The following ANKRD11 variants were observed in gnomAD, a reference collection of about 807,000 sequenced individuals.
ANKRD11 encodes the protein ankyrin repeat domain 11.
Under a neutral mutation model 195.7 loss-of-function variants are expected in ANKRD11, and 17 were observed. The ratio of observed to expected loss-of-function variants is 0.09; its 90% confidence interval spans 0.06 to 0.13. The LOEUF (loss-of-function observed/expected upper bound fraction) is 0.13, where lower values mean the gene tolerates loss of function less well. ANKRD11 is among the 10% of genes least tolerant of loss of function. ANKRD11 has a pLI of 1.00. For missense variants in ANKRD11, 3,735 were observed against 3,566.1 expected, an observed-to-expected ratio of 1.05 and a Z score of -1.21; for synonymous variants, 1,953 against 1,528.1, an observed-to-expected ratio of 1.28 and a Z score of -6.49.
At chr16:89,462,277 GCCAGGCCGGTCT>G (rs780684907) in intron 1 of ANKRD11, among the ~76,000 whole-genome samples, 39 of 152,182 alleles carry the variant, frequency 2.6e-4, no homozygotes, top group Non-Finnish European at 4.7e-4. Context: ...CGCTGTGTTG[GCCAGGCCGGTCT>G]CCAGCCCCTA....
chr16:89,354,738 C>T (rs953256158), intron 2 of ANKRD11, among the ~76,000 whole-genome samples: 1 of 152,080 alleles, frequency 6.6e-6, no homozygotes, highest in African/African-American at 2.4e-5. Context: ...AGAAATTAGC[C>T]GGGCATGGTG....
intron 2 of ANKRD11, among the ~76,000 whole-genome samples, chr16:89,386,716 GT>G (rs1286245077): frequency 2.0e-5 from 3 of 152,196 alleles, no homozygotes; most frequent in Non-Finnish European, 4.4e-5. Context: ...AGCTACTCAA[GT>G]TTTTTATTAA....
At chr16:89,476,166 A>G (rs2057251931) in intron 1 of ANKRD11, among the ~76,000 whole-genome samples, 1 of 152,190 alleles carries the variant, frequency 6.6e-6, no homozygotes, top group South Asian at 2.1e-4. Flanking sequence ...ACATCAAAAT[A>G]CCAAAACTAC....
chr16:89,281,181 A>G lies in ANKRD11; in HGVS notation c.5361T>C (p.Leu1787=). The change falls in exon 9 of 13, where the codon CTT becomes CTC. Residue 1787 remains leucine, a synonymous_variant. Transcript: ENST00000301030. This position sits in a 1 kb window ranked among gnomAD's most constrained non-coding sequence, Gnocchi z 5.5. ...QAPARPLSTN[L]YRSVSVDIRR... is the part of the protein sequence containing the mutation. ...TAATGTCGACAGAGACCGAGCGGTAAAGGTTTGTGGAGAGAGGCCTGGCAG... is the reference window on the plus strand; with the variant it reads ...TAATGTCGACAGAGACCGAGCGGTAGAGGTTTGTGGAGAGAGGCCTGGCAG... The G allele has an allele frequency of 1.2e-6, 2 of 1,614,128 alleles. No homozygotes were observed. Among genetic ancestry groups the G allele is most frequent in the Non-Finnish European group, 8.5e-7 (1 of 1,180,022 alleles).
At chr16:89,402,270 G>C (rs2041725121) in intron 2 of ANKRD11, among the ~76,000 whole-genome samples, 1 of 152,198 alleles carries the variant, frequency 6.6e-6, no homozygotes, top group African/African-American at 2.4e-5. Context: ...ACGTACGCCA[G>C]TTCTTTGTAG....
chr16:89,271,631 A>G (rs1024516849), intron 11 of ANKRD11: 3 of 155,146 alleles, frequency 1.9e-5, no homozygotes, highest in African/African-American at 4.8e-5. Context: ...CAAGAACAGA[A>G]TAACGATCAC....
chr16:89,332,968 C>G (rs569460530), intron 2 of ANKRD11, among the ~76,000 whole-genome samples: 1 of 152,252 alleles, frequency 6.6e-6, no homozygotes, highest in Non-Finnish European at 1.5e-5. Context: ...CGGGGCTGCT[C>G]CACGCTTCTC....
rs934191523 is a variant in ANKRD11, at chr16:89,291,714, G to A, written c.227-531C>T. On this transcript the variant is annotated intron_variant, in intron 4 of 12. Transcript: ENST00000301030. This position sits in a 1 kb window ranked among gnomAD's most constrained non-coding sequence, Gnocchi z 5.3. ...TTGCTTCTAGGAACCTCCATCTCAT[G>A]CCATGGTGCTTCGAGGAGCGTACCA... is the stretch of plus-strand genomic sequence containing the variant. 3.3e-5 allele frequency: 42 copies of A among 1,289,768 alleles called. No individual in the cohort carries two copies. Among genetic ancestry groups the A allele is most frequent in the Non-Finnish European group, 4.1e-5 (41 of 988,930 alleles). 79.9% of individuals were successfully genotyped at this position (1,289,768 alleles called of 1,614,324 possible). A position where few individuals can be genotyped will look rare whatever the true frequency, so the allele number is the denominator to read the frequency against.
rs370140808 is a variant in ANKRD11 at position 89,367,701 on chromosome 16, T to G, written c.-60+50583A>C. 3.3e-4 allele frequency among the ~76,000 whole-genome samples: 51 copies of G among 152,258 alleles called. 1 individual carries two copies. Among genetic ancestry groups the G allele is most frequent in the African/African-American group, 1.1e-3 (47 of 41,572 alleles). ...CAAGCAGCAACAGCTGCAGGTTTTTTGCAGATTGGTGAGTACAGCTCCACG... is the reference window on the plus strand; with the variant it reads ...CAAGCAGCAACAGCTGCAGGTTTTTGGCAGATTGGTGAGTACAGCTCCACG... On this transcript the variant is annotated intron_variant, in intron 2 of 12. Transcript: ENST00000301030.
At chr16:89,297,153 G>A (rs1332794176) in intron 4 of ANKRD11, among the ~76,000 whole-genome samples, 1 of 152,216 alleles carries the variant, frequency 6.6e-6, no homozygotes. Context: ...CTGAACAAAT[G>A]CCTTTTGTAT....
At chr16:89,401,178 C>T (rs1217041214) in intron 2 of ANKRD11, among the ~76,000 whole-genome samples, 1 of 148,810 alleles carries the variant, frequency 6.7e-6, no homozygotes, top group Non-Finnish European at 1.5e-5. Flanking sequence ...ATTGCAACCT[C>T]TGCCTCCCAA....
At position 89,280,330 on chromosome 16, in the gene ANKRD11, G is replaced by T; in HGVS notation, c.6212C>A (p.Ser2071Ter). ...GLESFFSNCK[S>*]LPEAPLDVAP... is the part of the protein sequence containing the mutation. The stretch of plus-strand genomic sequence containing the variant: ...CACGTCCAGCGGGGCTTCCGGAAGT[G>T]ACTTGCAGTTGCTGAAGAAGGACTC... The change falls in exon 9 of 13, where the codon TCA (serine) becomes TAA (stop). Residue 2071 changes from serine to a stop codon, truncating the protein, a stop_gained. Transcript: ENST00000301030. LOFTEE classifies it high-confidence loss of function. 2 of 1,581,846 alleles carry T rather than the reference G, an allele frequency of 1.3e-6. No individual in the cohort carries two copies. The highest frequency in any genetic ancestry group is 2.3e-5 in the South Asian group (2 of 88,386).
At chr16:89,475,283 T>C (rs1197162103) in intron 1 of ANKRD11, among the ~76,000 whole-genome samples, 1 of 152,194 alleles carries the variant, frequency 6.6e-6, no homozygotes, top group Non-Finnish European at 1.5e-5. Flanking sequence ...ATTCTGATGA[T>C]GCAGCTCCTG....
intron 2 of ANKRD11, among the ~76,000 whole-genome samples, chr16:89,357,976 A>T (rs1212180934): frequency 2.0e-5 from 3 of 152,254 alleles, no homozygotes; most frequent in African/African-American, 7.2e-5. Context: ...TATGATGCTC[A>T]ATTTCTGAAA....
chr16:89,280,554 G>C lies in ANKRD11; in HGVS notation c.5988C>G (p.Pro1996=), dbSNP rs746928698. ...RFPESPKRFC[P]ADPLHSAAPG... is the part of the protein sequence containing the mutation. ...GGGCGGCAGAGTGGAGGGGGTCCGC[G>C]GGGCAGAAACGCTTTGGGGACTCGG... Residue 1996 remains proline (P), a synonymous_variant, in exon 9 of 13, where the codon CCC becomes CCG. Coordinates refer to ENST00000301030, the MANE Select transcript of ANKRD11 (RefSeq NM_013275.6). 6.2e-7 allele frequency: 1 copy of C among 1,613,064 alleles called. No homozygotes were observed. The highest frequency in any genetic ancestry group is 1.7e-5 in the Admixed American group (1 of 60,018).
chr16:89,460,400 A>C (rs1160653560), intron 1 of ANKRD11, among the ~76,000 whole-genome samples: 1 of 151,886 alleles, frequency 6.6e-6, no homozygotes, highest in Non-Finnish European at 1.5e-5. Context: ...TCCACTAAAA[A>C]TACAAAAAAT....
intron 2 of ANKRD11, among the ~76,000 whole-genome samples, chr16:89,368,778 C>T (rs572880311): frequency 1.1e-3 from 163 of 152,116 alleles, no homozygotes; most frequent in African/African-American, 3.4e-3. Context: ...TGGTGGTGCA[C>T]GCCTGTGGTT....
chr16:89,362,800 G>GT (rs2039788317), intron 2 of ANKRD11, among the ~76,000 whole-genome samples: 1 of 152,016 alleles, frequency 6.6e-6, no homozygotes, highest in Non-Finnish European at 1.5e-5. Context: ...AGTTGAAGGT[G>GT]TTTTTACCTT....
chr16:89,326,445 C>A (rs890349285), intron 2 of ANKRD11, among the ~76,000 whole-genome samples: 2 of 152,048 alleles, frequency 1.3e-5, no homozygotes, highest in African/African-American at 4.8e-5. Context: ...TCAATCTACC[C>A]CCAAATTACA....
Sources: allele counts gnomAD v4.1 joint callset (sites outside exome capture counted in the v4.1 genomes callset), GRCh38; gene constraint gnomAD v4.1.1; non-coding constraint Gnocchi (gnomAD v3.1); transcripts MANE v1.5; gene names NCBI Gene and HGNC (gene_info 2026-07-23, HGNC 2026-07-21).